The following PRKG1 variants were observed in gnomAD, a reference collection of about 807,000 sequenced individuals.
PRKG1 encodes the protein cGMP-dependent protein kinase 1.
A neutral mutation model predicts 88.1 loss-of-function variants in PRKG1; 35 were observed. The observed-to-expected ratio is 0.40, with a 90% CI of 0.30 to 0.53. PRKG1 has a LOEUF of 0.53. Ranked by LOEUF, PRKG1 falls within the 20% of genes least tolerant of loss-of-function variation. The pLI is 0.59. For missense variants in PRKG1, 540 were observed against 839.8 expected, an observed-to-expected ratio of 0.64 and a Z score of 4.41; for synonymous variants, 303 against 292.5, an observed-to-expected ratio of 1.04 and a Z score of -0.37.
chr10:51,632,075 T>C (rs2132282309), intron 3 of PRKG1, among the ~76,000 whole-genome samples: 1 of 145,732 alleles, frequency 6.9e-6, no homozygotes, highest in South Asian at 2.3e-4. Context: ...TTTGTAAACT[T>C]TCTTGAAACA....
intron 2 of PRKG1, among the ~76,000 whole-genome samples, chr10:51,362,020 T>TA (rs1407795484): frequency 1.3e-5 from 2 of 151,914 alleles, no homozygotes; most frequent in Non-Finnish European, 2.9e-5. Flanking sequence ...AGTAAGTTAT[T>TA]AAAAAAACTG....
intron 2 of PRKG1, among the ~76,000 whole-genome samples, chr10:51,397,624 A>G (rs1446697930): frequency 6.6e-6 from 1 of 152,228 alleles, no homozygotes; most frequent in Non-Finnish European, 1.5e-5. Context: ...AATTTTAACC[A>G]TCCTAAAAAC....
At chr10:52,049,823 C>T (rs1428758448) in intron 5 of PRKG1, among the ~76,000 whole-genome samples, 1 of 152,022 alleles carries the variant, frequency 6.6e-6, no homozygotes, top group African/African-American at 2.4e-5. Flanking sequence ...TGAGTCCCTA[C>T]TATGTTCCAA....
Position 52,149,998 on chromosome 10 carries a change from C to T in PRKG1, c.1002-11891C>T, listed in dbSNP as rs1589650906. ...CCTTGTCTGTACTAAAAATACAAAA[C>T]TTAGCTGGGCATGGTGGTGGGTGCC... On this transcript the variant is annotated intron_variant, in intron 8 of 17. Coordinates refer to ENST00000373980, the MANE Select transcript of PRKG1 (RefSeq NM_006258.4). 2.0e-5 allele frequency among the ~76,000 whole-genome samples: 3 copies of T among 151,552 alleles called. No homozygotes were observed. In the South Asian group the frequency reaches 6.2e-4, roughly 32 times the overall value.
intron 7 of PRKG1, among the ~76,000 whole-genome samples, chr10:52,118,194 G>A (rs1847733337): frequency 6.6e-6 from 1 of 151,864 alleles, no homozygotes; most frequent in South Asian, 2.1e-4. Flanking sequence ...CTCTTACTGT[G>A]TGTGAGATAG....
chr10:51,673,288 AT>A (rs1272302270), intron 3 of PRKG1, among the ~76,000 whole-genome samples: 3 of 152,216 alleles, frequency 2.0e-5, no homozygotes, highest in Non-Finnish European at 4.4e-5. Context: ...AAAATAAAGA[AT>A]AATTATATTT....
intron 9 of PRKG1, among the ~76,000 whole-genome samples, chr10:52,212,512 A>T (rs1271203110): frequency 1.3e-5 from 2 of 152,234 alleles, no homozygotes; most frequent in Middle Eastern, 3.4e-3. Context: ...TTGATTTTTT[A>T]AAAAAGAGAG....
intron 4 of PRKG1, among the ~76,000 whole-genome samples, chr10:51,892,176 G>A (rs1841738308): frequency 6.7e-6 from 1 of 148,486 alleles, no homozygotes. Flanking sequence ...ACCTGGTTGA[G>A]TAAGTTTGAA....
intron 2 of PRKG1, among the ~76,000 whole-genome samples, chr10:51,407,906 C>T (rs911969583): frequency 6.6e-6 from 1 of 152,184 alleles, no homozygotes; most frequent in African/African-American, 2.4e-5. Flanking sequence ...CCTTCTTAGC[C>T]TGGTGACTTA....
intron 2 of PRKG1, among the ~76,000 whole-genome samples, chr10:51,340,209 A>T (rs754589465): frequency 4.6e-5 from 7 of 152,122 alleles, no homozygotes; most frequent in Non-Finnish European, 8.8e-5. Flanking sequence ...TGTATTAAGA[A>T]ATTCTAAAGA....
At chr10:50,996,595 C>A (rs1241752087) in intron 1 of PRKG1, among the ~76,000 whole-genome samples, 6 of 152,182 alleles carry the variant, frequency 3.9e-5, no homozygotes, top group East Asian at 1.9e-4. Flanking sequence ...ATTTACCAGT[C>A]CTTCATCTTC....
chr10:51,143,446 G>A (rs1360570740), intron 1 of PRKG1, among the ~76,000 whole-genome samples: 5 of 152,032 alleles, frequency 3.3e-5, no homozygotes, highest in African/African-American at 1.2e-4. Context: ...TAAACATGAG[G>A]TGCAGATATG....
At chr10:51,957,248 TCTTTCATACATAG>T (rs148628791) in intron 5 of PRKG1, among the ~76,000 whole-genome samples, 18 of 135,644 alleles carry the variant, frequency 1.3e-4, no homozygotes, top group African/African-American at 3.3e-4. Flanking sequence ...TTCTCTCTTT[TCTTTCATACATAG>T]CTTTTCCTTT....
intron 3 of PRKG1, among the ~76,000 whole-genome samples, chr10:51,602,732 A>ATGTGTG (rs4041278): frequency 0.017 from 2,186 of 128,730 alleles, 23 homozygotes; most frequent in East Asian, 0.042. Context: ...ATTAATATAT[A>ATGTGTG]TGTGTGTGTG....
rs555646317 is a variant in PRKG1, at chr10:51,424,410, G to T, written c.479-43313G>T. ...TAATTTGAAAGAAAAATTCTTTCAA[G>T]AACTTTTTAGATTTTTTTTAAAAAA... is the stretch of plus-strand genomic sequence containing the variant. On this transcript the variant is annotated intron_variant, in intron 2 of 17. Coordinates refer to ENST00000373980, the MANE Select transcript of PRKG1 (RefSeq NM_006258.4). 8.6e-5 allele frequency among the ~76,000 whole-genome samples: 13 copies of T among 151,884 alleles called. No homozygotes were observed. In the South Asian group the frequency reaches 1.0e-3, roughly 12 times the overall value.
At chr10:51,042,885 T>C (rs1465100836) in intron 1 of PRKG1, among the ~76,000 whole-genome samples, 1 of 152,176 alleles carries the variant, frequency 6.6e-6, no homozygotes, top group Non-Finnish European at 1.5e-5. Flanking sequence ...AGAATTCCCT[T>C]GTCCCTTCTG....
chr10:52,166,430 A>ATTTTTTT (rs71032627), intron 9 of PRKG1, among the ~76,000 whole-genome samples: 1 of 105,672 alleles, frequency 9.5e-6, no homozygotes, highest in African/African-American at 3.2e-5. Flanking sequence ...TTTGAATATA[A>ATTTTTTT]TTTTTTTTTT....
intron 2 of PRKG1, among the ~76,000 whole-genome samples, chr10:51,258,804 C>A (rs1839629911): frequency 6.6e-6 from 1 of 152,224 alleles, no homozygotes; most frequent in Non-Finnish European, 1.5e-5. Flanking sequence ...TTGGCAAATG[C>A]CAGCTATCAG....
intron 4 of PRKG1, among the ~76,000 whole-genome samples, chr10:51,902,953 G>T (rs1446568411): frequency 6.6e-6 from 1 of 152,144 alleles, no homozygotes; most frequent in East Asian, 1.9e-4. Flanking sequence ...CACATTTTGA[G>T]AACTCCTGCT....
Sources: allele counts gnomAD v4.1 joint callset (sites outside exome capture counted in the v4.1 genomes callset), GRCh38; gene constraint gnomAD v4.1.1; transcripts MANE v1.5; gene names NCBI Gene and HGNC (gene_info 2026-07-23, HGNC 2026-07-21).